The following TPM1 variants were observed in gnomAD, a reference collection of about 807,000 sequenced individuals.
The protein encoded by TPM1 is tropomyosin alpha-1 chain.
A neutral mutation model predicts 42.9 loss-of-function variants in TPM1; 24 were observed. The ratio of observed to expected loss-of-function variants is 0.56; its 90% confidence interval spans 0.41 to 0.79. The LOEUF is 0.79. Ranked by LOEUF, TPM1 falls within the 30% of genes least tolerant of loss-of-function variation. TPM1 has a pLI of 0.00. For synonymous variants in TPM1, 136 were observed against 130.1 expected, an observed-to-expected ratio of 1.05 and a Z score of -0.31; for missense variants, 158 against 351.8, an observed-to-expected ratio of 0.45 and a Z score of 4.41.
intron 1 of TPM1, chr15:63,043,368 G>A (rs2031604174): frequency 8.7e-6 from 5 of 575,360 alleles, no homozygotes; most frequent in Admixed American, 6.5e-5. Flanking sequence ...GGGAGGAGAA[G>A]GGAGTCCTGG....
rs786204415 is a variant in TPM1 at position 63,065,900 on chromosome 15, GTTTC to G, written c.*5_*8del. ...CACCTTTTTATCTTCACGCAGATAAGTTTCTTTGCTTCACTTCTCCCAAGACTCC... is the reference window on the plus strand; with the variant it reads ...CACCTTTTTATCTTCACGCAGATAAGTTTGCTTCACTTCTCCCAAGACTCC... On this transcript the variant is annotated 3_prime_UTR_variant, in exon 10 of 10. Transcript: ENST00000403994. 20 of 1,601,892 alleles carry G rather than the reference GTTTC, an allele frequency of 1.2e-5. No individual in the cohort carries two copies. The highest frequency in any genetic ancestry group is 3.4e-5 in the Admixed American group (2 of 58,668).
At chr15:63,053,610 A>T (rs761937547) in intron 2 of TPM1, among the ~76,000 whole-genome samples, 5 of 151,088 alleles carry the variant, frequency 3.3e-5, no homozygotes, top group Admixed American at 6.6e-5. Context: ...TATAGTACAG[A>T]TTCCTGCCCT....
At chr15:63,071,062 A>G (rs375996705), downstream of TPM1, 1 of 1,613,612 alleles carries the variant, frequency 6.2e-7, no homozygotes, top group Non-Finnish European at 8.5e-7. Flanking sequence ...ACAGCTATTC[A>G]TGACTTAATT....
At chr15:63,054,160 C>A (rs2034404630) in intron 2 of TPM1, among the ~76,000 whole-genome samples, 1 of 152,118 alleles carries the variant, frequency 6.6e-6, no homozygotes, top group Admixed American at 6.5e-5. Context: ...GTGTGCCCTA[C>A]CATTCCTCCC....
At chr15:63,048,219 G>A in intron 2 of TPM1, 2 of 470,580 alleles carry the variant, frequency 4.3e-6, no homozygotes, top group Non-Finnish European at 4.2e-6. Context: ...AGAAGTGGAA[G>A]CCAGAGCCCT....
chr15:63,050,930 A>C (rs912051986), intron 2 of TPM1, among the ~76,000 whole-genome samples: 8 of 152,224 alleles, frequency 5.3e-5, no homozygotes, highest in Non-Finnish European at 8.8e-5. Context: ...CCTAAATTCA[A>C]ATACTCAGAC....
chr15:63,050,785 G>A (rs2033697300), intron 2 of TPM1, among the ~76,000 whole-genome samples: 1 of 152,232 alleles, frequency 6.6e-6, no homozygotes. Context: ...GAACTTAAAT[G>A]TAGCTGACTT....
At chr15:63,064,948 C>G (rs1335115237) in intron 9 of TPM1, 4 of 970,164 alleles carry the variant, frequency 4.1e-6, no homozygotes, top group Admixed American at 6.2e-5. Context: ...GCCTGGACGA[C>G]AGAGCGAGAC....
At chr15:63,060,000 C>G in intron 4 of TPM1, 2 of 345,440 alleles carry the variant, frequency 5.8e-6, no homozygotes, top group Non-Finnish European at 1.1e-5. Context: ...AAAGGAGGCT[C>G]TCATGCTGTC....
At chr15:63,069,596 C>T (rs1273908067), downstream of TPM1, among the ~76,000 whole-genome samples, 2 of 152,220 alleles carry the variant, frequency 1.3e-5, no homozygotes, top group Non-Finnish European at 2.9e-5. Context: ...AACATTCACT[C>T]TTCTTCCTCC....
At chr15:63,048,766 C>G in intron 2 of TPM1, 17 of 1,514,466 alleles carry the variant, frequency 1.1e-5, no homozygotes, top group Non-Finnish European at 1.4e-5. Context: ...GGGGCAGCCC[C>G]GCAGGGCCCT....
chr15:63,059,385 C>A (rs1266077679), intron 3 of TPM1, among the ~76,000 whole-genome samples, 178 bp from the exon 4 acceptor site: 1 of 152,196 alleles, frequency 6.6e-6, no homozygotes, highest in Admixed American at 6.5e-5. Context: ...AGAAATGTGT[C>A]TCTTTTTTCC....
At chr15:63,061,814 A>C in intron 6 of TPM1, 26 bp downstream of exon 6, 1 of 1,609,074 alleles carries the variant, frequency 6.2e-7, no homozygotes, top group Non-Finnish European at 8.5e-7. Flanking sequence ...GGTGTGGGGG[A>C]AAGGCATCTT....
At chr15:63,050,725 C>T (rs2033686801) in intron 2 of TPM1, among the ~76,000 whole-genome samples, 1 of 152,134 alleles carries the variant, frequency 6.6e-6, no homozygotes. Context: ...TGGATCAGAC[C>T]ATTGAAGAGA....
chr15:63,071,087 C>T (rs747499908), downstream of TPM1: 4 of 1,613,950 alleles, frequency 2.5e-6, no homozygotes, highest in Admixed American at 1.7e-5. Flanking sequence ...AATCTCACCA[C>T]AGAGAAAGTG....
intron 9 of TPM1, 150 bp downstream of exon 9, chr15:63,064,292 A>G: frequency 6.6e-7 from 1 of 1,525,302 alleles, no homozygotes; most frequent in African/African-American, 1.4e-5. Flanking sequence ...TTGTTTTTTC[A>G]CTTTCTGCTA....
chr15:63,043,446 C>G (rs1386769665), intron 1 of TPM1: 2 of 667,466 alleles, frequency 3.0e-6, no homozygotes, highest in African/African-American at 1.8e-5. Flanking sequence ...CCAGCAGTGG[C>G]GTTCTTCTGT....
chr15:63,070,124 T>C (rs1397937030), downstream of TPM1: 6 of 1,467,064 alleles, frequency 4.1e-6, no homozygotes, highest in African/African-American at 8.5e-5. Context: ...GCTGGAATAA[T>C]TACGTTCTCT....
rs748450744 is a variant in TPM1 at position 63,048,789 on chromosome 15, C to T, written c.240+4637C>T. 2.5e-5 allele frequency: 37 copies of T among 1,490,060 alleles called. 1 individual carries two copies. In the Admixed American group the frequency reaches 4.4e-4, roughly 18 times the overall value. The allele number at this position is 1,490,060 out of a possible 1,614,324, so 92.3% of individuals were successfully genotyped here. The stretch of plus-strand genomic sequence containing the variant: ...CCCGCAGGGCCCTCCTGCTTCCCCC[C>T]CCGCAGGCCCCGGTCCCTCGTCCCC... On this transcript the variant is annotated intron_variant, in intron 2 of 9. Coordinates refer to ENST00000403994, the MANE Select transcript of TPM1 (RefSeq NM_001018005.2).
Sources: gnomAD v4.1 joint callset for allele counts (sites outside exome capture counted in the v4.1 genomes callset) on GRCh38, gnomAD v4.1.1 for gene constraint, MANE v1.5 for transcripts, NCBI Gene and HGNC (gene_info 2026-07-23, HGNC 2026-07-21) for gene names.